The following PPP2R5D variants were observed in gnomAD, a reference collection of about 807,000 sequenced individuals.
The protein encoded by PPP2R5D is protein phosphatase 2 regulatory subunit B'delta, also known as serine/threonine-protein phosphatase 2A 56 kDa regulatory subunit delta isoform.
A neutral mutation model predicts 79.1 loss-of-function variants in PPP2R5D; 12 were observed. The observed-to-expected ratio is 0.15, with a 90% confidence interval of 0.10 to 0.25. The LOEUF (loss-of-function observed/expected upper bound fraction) is 0.25, where lower values mean the gene tolerates loss of function less well. Among genes scored for constraint, PPP2R5D ranks in the 10% least tolerant of loss-of-function variants. PPP2R5D has a pLI of 1.00. For missense variants in PPP2R5D, 419 were observed against 760.2 expected (o/e 0.55, Z 5.28); for synonymous variants, 277 against 286.6 (o/e 0.97, Z 0.34).
At position 43,006,670 on chromosome 6, in the gene PPP2R5D, G is replaced by T. The variant is rs1277257630; in HGVS notation, c.313G>T (p.Ala105Ser). Residue 105 changes from alanine to serine, a missense_variant, in exon 3 of 16, where the codon GCC becomes TCC. Coordinates refer to ENST00000485511, the MANE Select transcript of PPP2R5D (RefSeq NM_006245.4). The surrounding 1 kb of genome is among the most constrained non-coding windows in gnomAD (Gnocchi z 4.7). Reference protein sequence around the residue: ...SKNRELQKLPALKDSPTQERE... With the variant: ...SKNRELQKLPSLKDSPTQERE... ...GAATCGGGAGCTGCAGAAGCTTCCT[G>T]CCCTGAAAGGTACTTGGCAATTGGT... 1 of 1,613,952 alleles carries T rather than the reference G, an allele frequency of 6.2e-7. No homozygotes were observed. Among genetic ancestry groups the T allele is most frequent in the East Asian group, 2.2e-5 (1 of 44,882 alleles).
chr6:43,000,059 C>T (rs1372995011), intron 2 of PPP2R5D, among the ~76,000 whole-genome samples: 1 of 151,912 alleles, frequency 6.6e-6, no homozygotes, highest in East Asian at 1.9e-4. Flanking sequence ...CCTCAGCCTC[C>T]GGAATAGCTG....
intron 15 of PPP2R5D, 28 bp downstream of exon 15, chr6:43,011,025 C>T (rs1762327206): frequency 1.2e-6 from 2 of 1,608,870 alleles, no homozygotes; most frequent in Non-Finnish European, 1.7e-6. Flanking sequence ...GGGGATGGAG[C>T]AGAAATAATA....
Position 43,001,774 on chromosome 6 carries a change from C to G in PPP2R5D, c.106-4689C>G, listed in dbSNP as rs142559540. On this transcript the variant is annotated intron_variant, in intron 2 of 15. Transcript: ENST00000485511. ...TGGTGGCACGCACCTGTAATCTCAGCTACTCCGGAGGCTGAGGCAGGAGAA... is the reference window on the plus strand; with the variant it reads ...TGGTGGCACGCACCTGTAATCTCAGGTACTCCGGAGGCTGAGGCAGGAGAA... 5.6e-3 allele frequency among the ~76,000 whole-genome samples: 852 copies of G among 151,880 alleles called. 9 individuals are homozygous for G. The highest frequency in any genetic ancestry group is 0.02 in the African/African-American group (812 of 41,426).
chr6:42,986,607 G>A (rs1417156188), intron 1 of PPP2R5D, among the ~76,000 whole-genome samples: 1 of 151,988 alleles, frequency 6.6e-6, no homozygotes, highest in East Asian at 1.9e-4. Context: ...TGGGGAGTGG[G>A]CATGCGGAGG....
intron 2 of PPP2R5D, among the ~76,000 whole-genome samples, chr6:42,995,136 T>TG (rs2150258289): frequency 6.8e-6 from 1 of 146,260 alleles, no homozygotes; most frequent in East Asian, 2.0e-4. Flanking sequence ...CTTTTTTTTT[T>TG]TTTTTTTTTT....
chr6:42,986,327 T>C (rs908120917), intron 1 of PPP2R5D, among the ~76,000 whole-genome samples: 14 of 152,124 alleles, frequency 9.2e-5, no homozygotes, highest in African/African-American at 3.4e-4. Context: ...CCTGGTGTTC[T>C]GGCCACCTGC....
chr6:42,997,157 G>A (rs543578293), intron 2 of PPP2R5D, among the ~76,000 whole-genome samples: 15 of 150,862 alleles, frequency 9.9e-5, no homozygotes, highest in African/African-American at 2.4e-4. Context: ...TACCACGCCC[G>A]GCTAAATTTT....
intron 2 of PPP2R5D, among the ~76,000 whole-genome samples, chr6:42,994,413 C>G (rs906778576): frequency 6.6e-6 from 1 of 152,178 alleles, no homozygotes; most frequent in African/African-American, 2.4e-5. Flanking sequence ...ACTGCTGGCT[C>G]TAAGATTCTA....
chr6:43,012,217 G>A lies in PPP2R5D; in HGVS notation c.*931G>A, dbSNP rs1036036739. 1.7e-6 allele frequency: 2 copies of A among 1,187,754 alleles called. No homozygotes were observed. Among genetic ancestry groups the A allele is most frequent in the Non-Finnish European group, 1.0e-6 (1 of 958,610 alleles). The allele number at this position is 1,187,754 out of a possible 1,614,324, so 73.6% of individuals were successfully genotyped here. The stretch of plus-strand genomic sequence containing the variant: ...CCGGACCCAGGTTCCAGGGGCGCAG[G>A]CAGTGCGGCTTTTGGCTGTGTACAT... On this transcript the variant is annotated 3_prime_UTR_variant, in exon 16 of 16. Transcript: ENST00000485511.
Position 42,986,451 on chromosome 6 carries a change from G to A in PPP2R5D, c.27+1747G>A, listed in dbSNP as rs557607260. On this transcript the variant is annotated intron_variant, in intron 1 of 15. Transcript: ENST00000485511. ...TTTCTCCTGGGGCTGTTCTGTATTT[G>A]CCAGGCAGCTCTGATTCTGAGTTGT... 1.3e-3 allele frequency among the ~76,000 whole-genome samples: 204 copies of A among 152,248 alleles called. 4 individuals are homozygous for A. The South Asian group carries it at 0.041, about 31-fold the overall frequency.
intron 2 of PPP2R5D, among the ~76,000 whole-genome samples, chr6:43,004,535 T>A (rs1761953377): frequency 6.6e-6 from 1 of 151,592 alleles, no homozygotes; most frequent in African/African-American, 2.4e-5. Flanking sequence ...TTAGATTAGA[T>A]TCCTTTAGAT....
In PPP2R5D at chr6:42,995,038, C is replaced by T. The variant is rs112720654; in HGVS notation, c.105+5350C>T. Among the ~76,000 whole-genome samples, 118 of 152,000 alleles carry T rather than the reference C, an allele frequency of 7.8e-4. No individual in the cohort carries two copies. In the South Asian group the frequency reaches 0.011, roughly 14 times the overall value. The stretch of plus-strand genomic sequence containing the variant: ...GCTTACAAGTTAAAATCCAAACTCA[C>T]TAGCATGGCACCCTCAACCCCTCTG... On this transcript the variant is annotated intron_variant, in intron 2 of 15. Coordinates refer to ENST00000485511, the MANE Select transcript of PPP2R5D (RefSeq NM_006245.4).
chr6:42,996,005 ATTT>A (rs1320953993), intron 2 of PPP2R5D, among the ~76,000 whole-genome samples: 6 of 111,530 alleles, frequency 5.4e-5, no homozygotes, highest in African/African-American at 1.0e-4. Context: ...GGGACTTTCT[ATTT>A]TTTTTTTTTT....
In PPP2R5D at chr6:43,011,465, C is replaced by T. The variant is rs370366089; in HGVS notation, c.*179C>T. ...CCCACAGAATGGTCCCTCTTCTCCCCAAAAGGTGTTCATGCCTCCCTGTGG... is the reference window on the plus strand; with the variant it reads ...CCCACAGAATGGTCCCTCTTCTCCCTAAAAGGTGTTCATGCCTCCCTGTGG... On this transcript the variant is annotated 3_prime_UTR_variant, in exon 16 of 16. Transcript: ENST00000485511. 2 of 821,784 alleles carry T rather than the reference C, an allele frequency of 2.4e-6. No individual in the cohort carries two copies. Among genetic ancestry groups the T allele is most frequent in the South Asian group, 1.8e-5 (1 of 55,276 alleles). 50.9% of individuals were successfully genotyped at this position (821,784 alleles called of 1,614,324 possible). A position where few individuals can be genotyped will look rare whatever the true frequency, so the allele number is the denominator to read the frequency against.
chr6:42,998,905 C>G (rs1771982040), intron 2 of PPP2R5D, among the ~76,000 whole-genome samples: 1 of 152,140 alleles, frequency 6.6e-6, no homozygotes, highest in Non-Finnish European at 1.5e-5. Flanking sequence ...CCTAGTGGTG[C>G]ACGCCTGTAA....
chr6:43,011,119 A>T, intron 15 of PPP2R5D, 30 bp from the exon 16 acceptor site: 10 of 1,614,036 alleles, frequency 6.2e-6, no homozygotes, highest in Non-Finnish European at 8.5e-6. Context: ...ATTGGTCACC[A>T]TTCCTCACCT....
intron 2 of PPP2R5D, among the ~76,000 whole-genome samples, chr6:42,998,052 TATA>T (rs1561844015): frequency 7.7e-4 from 19 of 24,786 alleles, no homozygotes; most frequent in Admixed American, 1.1e-3. Context: ...TATATATATA[TATA>T]TATTTTTTTT....
intron 1 of PPP2R5D, among the ~76,000 whole-genome samples, chr6:42,988,596 G>C (rs1248303467): frequency 1.3e-5 from 2 of 152,158 alleles, no homozygotes; most frequent in Non-Finnish European, 2.9e-5. Context: ...AACTATCCCA[G>C]TTCCTGCAGC....
Position 43,011,490 on chromosome 6 carries a change from G to C in PPP2R5D, c.*204G>C, listed in dbSNP as rs1258079413. The C allele has an allele frequency of 7.6e-6, 5 of 656,446 alleles. No individual in the cohort carries two copies. The highest frequency in any genetic ancestry group is 4.3e-4 in the Middle Eastern group (1 of 2,352). 40.7% of individuals were successfully genotyped at this position (656,446 alleles called of 1,614,324 possible). A position where few individuals can be genotyped will look rare whatever the true frequency, so the allele number is the denominator to read the frequency against. On this transcript the variant is annotated 3_prime_UTR_variant, in exon 16 of 16. Transcript: ENST00000485511. Reference sequence around the variant, plus strand: ...CAAAAGGTGTTCATGCCTCCCTGTGGCTAGTACAGGCTGAGCACTAAGATG... The same window carrying C: ...CAAAAGGTGTTCATGCCTCCCTGTGCCTAGTACAGGCTGAGCACTAAGATG...
Sources: allele counts gnomAD v4.1 joint callset (sites outside exome capture counted in the v4.1 genomes callset), GRCh38; gene constraint gnomAD v4.1.1; non-coding constraint Gnocchi (gnomAD v3.1); transcripts MANE v1.5; gene names NCBI Gene and HGNC (gene_info 2026-07-23, HGNC 2026-07-21).